GPC6: variants seen among roughly 807,000 people sequenced by gnomAD.
The protein encoded by GPC6 is glypican-6.
GPC6 carries 14 observed loss-of-function variants against 55.2 expected under a neutral mutation model. The ratio of observed to expected loss-of-function variants is 0.25; its 90% confidence interval spans 0.17 to 0.40. The LOEUF is 0.40. GPC6 is among the 10% of genes least tolerant of loss of function. The pLI is 1.00. For missense variants in GPC6, 641 were observed against 708.5 expected (o/e 0.90, Z 1.08); for synonymous variants, 278 against 259.6 (o/e 1.07, Z -0.68).
chr13:94,241,409 C>A (rs1261437048), intron 4 of GPC6, among the ~76,000 whole-genome samples: 1 of 152,190 alleles, frequency 6.6e-6, no homozygotes, highest in African/African-American at 2.4e-5. Flanking sequence ...CATTTTTGGT[C>A]TTAAGGAAGT....
At chr13:93,892,524 T>C (rs1205384531) in intron 3 of GPC6, among the ~76,000 whole-genome samples, 1 of 152,196 alleles carries the variant, frequency 6.6e-6, no homozygotes, top group Non-Finnish European at 1.5e-5. Flanking sequence ...ATTTTAAATT[T>C]ATTTTGCCAC....
At chr13:94,026,946 A>G (rs1211988356) in intron 3 of GPC6, among the ~76,000 whole-genome samples, 1 of 152,186 alleles carries the variant, frequency 6.6e-6, no homozygotes, top group Non-Finnish European at 1.5e-5. Flanking sequence ...TGGAAACTAT[A>G]ATTCACGATG....
intron 3 of GPC6, among the ~76,000 whole-genome samples, chr13:93,940,282 A>G (rs1392730446): frequency 6.6e-6 from 1 of 152,032 alleles, no homozygotes; most frequent in Non-Finnish European, 1.5e-5. Flanking sequence ...AGTTGCCTTC[A>G]CTATGTTCTC....
chr13:93,780,195 G>A (rs1885594144), intron 2 of GPC6, among the ~76,000 whole-genome samples: 2 of 151,896 alleles, frequency 1.3e-5, no homozygotes, highest in African/African-American at 4.8e-5. Context: ...TCCGCAAACT[G>A]TGAAGAAAAC....
At chr13:93,807,075 C>CT (rs1010389355) in intron 2 of GPC6, among the ~76,000 whole-genome samples, 2 of 152,148 alleles carry the variant, frequency 1.3e-5, no homozygotes, top group African/African-American at 4.8e-5. Context: ...GGGGGCCTCA[C>CT]TTTTTTCAGC....
chr13:93,326,080 GC>G (rs796531420), intron 1 of GPC6, among the ~76,000 whole-genome samples: 11 of 152,262 alleles, frequency 7.2e-5, no homozygotes, highest in African/African-American at 2.4e-4. Context: ...GGAACCTAGT[GC>G]CCTGAGTGCA....
chr13:93,467,211 A>C (rs1235645106), intron 1 of GPC6, among the ~76,000 whole-genome samples: 7 of 152,240 alleles, frequency 4.6e-5, no homozygotes, highest in African/African-American at 1.7e-4. Context: ...ACCTTATAAA[A>C]GTGGTACACC....
chr13:93,339,776 T>A (rs1880176083), intron 1 of GPC6, among the ~76,000 whole-genome samples: 1 of 152,238 alleles, frequency 6.6e-6, no homozygotes, highest in African/African-American at 2.4e-5. Context: ...AAAGCAATAA[T>A]GTTTTGTGAA....
chr13:93,905,683 T>C (rs1876627401), intron 3 of GPC6, among the ~76,000 whole-genome samples: 1 of 152,180 alleles, frequency 6.6e-6, no homozygotes, highest in South Asian at 2.1e-4. Context: ...CAAAAGCAAA[T>C]AAATTGCTTT....
intron 1 of GPC6, among the ~76,000 whole-genome samples, chr13:93,512,922 A>G: frequency 6.6e-6 from 1 of 152,184 alleles, no homozygotes; most frequent in Non-Finnish European, 1.5e-5. Context: ...CTTTTTCTAA[A>G]GTATATATGA....
At chr13:93,342,637 A>G (rs1194266790) in intron 1 of GPC6, among the ~76,000 whole-genome samples, 1 of 152,168 alleles carries the variant, frequency 6.6e-6, no homozygotes, top group Non-Finnish European at 1.5e-5. Flanking sequence ...GAAGTAAGCT[A>G]GGAGAGAAAC....
chr13:93,486,487 ATAAAG>A (rs1003169523), intron 1 of GPC6, among the ~76,000 whole-genome samples: 2 of 152,240 alleles, frequency 1.3e-5, no homozygotes, highest in African/African-American at 4.8e-5. Context: ...TCTGGATTTA[ATAAAG>A]TAAAAGAGAT....
intron 1 of GPC6, among the ~76,000 whole-genome samples, chr13:93,320,412 G>A (rs1879396915): frequency 6.6e-6 from 1 of 151,854 alleles, no homozygotes; most frequent in Middle Eastern, 3.2e-3. Context: ...AAGTAAAGGA[G>A]AGGGCTTCAA....
intron 4 of GPC6, among the ~76,000 whole-genome samples, chr13:94,096,208 T>C (rs1377381411): frequency 6.6e-6 from 1 of 152,166 alleles, no homozygotes; most frequent in African/African-American, 2.4e-5. Flanking sequence ...GAATTCTATT[T>C]TATGGGAATT....
chr13:93,591,955 A>C (rs922637159), intron 2 of GPC6, among the ~76,000 whole-genome samples: 1 of 152,202 alleles, frequency 6.6e-6, no homozygotes, highest in Non-Finnish European at 1.5e-5. Context: ...GCCTCTTCAA[A>C]TGAGCTATTT....
At chr13:93,708,117 A>T (rs1330805073) in intron 2 of GPC6, among the ~76,000 whole-genome samples, 1 of 151,838 alleles carries the variant, frequency 6.6e-6, no homozygotes, top group East Asian at 1.9e-4. Flanking sequence ...CATTATAAAT[A>T]TTTTGAATAT....
intron 3 of GPC6, among the ~76,000 whole-genome samples, chr13:93,857,602 C>T (rs1157776846): frequency 6.6e-6 from 1 of 151,532 alleles, no homozygotes; most frequent in Admixed American, 6.6e-5. Context: ...AAAAAAGAAG[C>T]TTTAAATTGA....
chr13:93,745,893 C>G (rs948944684), intron 2 of GPC6, among the ~76,000 whole-genome samples: 7 of 152,332 alleles, frequency 4.6e-5, no homozygotes, highest in African/African-American at 1.7e-4. Flanking sequence ...ATGGCCATCA[C>G]ATGTGAGTTA....
At chr13:93,497,856 G>T (rs1013214533) in intron 1 of GPC6, among the ~76,000 whole-genome samples, 5 of 152,142 alleles carry the variant, frequency 3.3e-5, no homozygotes, top group Admixed American at 3.3e-4. Flanking sequence ...AGAGAGCCAG[G>T]GCTGTCCTTG....
Sources: gnomAD v4.1 joint callset for allele counts (sites outside exome capture counted in the v4.1 genomes callset) on GRCh38, gnomAD v4.1.1 for gene constraint, MANE v1.5 for transcripts, NCBI Gene and HGNC (gene_info 2026-07-23, HGNC 2026-07-21) for gene names.